GPR158: variants seen among roughly 807,000 people sequenced by gnomAD.
The protein encoded by GPR158 is metabotropic glycine receptor.
In GPR158, 30 loss-of-function variants were observed where a neutral mutation model predicts 78.2. The observed-to-expected ratio is 0.38, with a 90% CI of 0.29 to 0.52. The LOEUF is 0.52. Among genes scored for constraint, GPR158 ranks in the 20% least tolerant of loss-of-function variants. GPR158 has a pLI of 0.83. For synonymous variants in GPR158, 581 were observed against 591.1 expected (o/e 0.98, Z 0.25); for missense variants, 1,463 against 1,523.5 (o/e 0.96, Z 0.66).
At chr10:25,265,764 C>T (rs924167903) in intron 2 of GPR158, among the ~76,000 whole-genome samples, 16 of 152,118 alleles carry the variant, frequency 1.1e-4, no homozygotes, top group Admixed American at 9.2e-4. Context: ...AATATTTTGC[C>T]AGAAGAACCA....
At chr10:25,285,404 C>T (rs999858341) in intron 2 of GPR158, among the ~76,000 whole-genome samples, 1 of 152,044 alleles carries the variant, frequency 6.6e-6, no homozygotes, top group Non-Finnish European at 1.5e-5. Context: ...AGGCTGTTCT[C>T]TAAGCTGGAG....
At chr10:25,338,454 T>C (rs1243164113) in intron 2 of GPR158, among the ~76,000 whole-genome samples, 5 of 137,064 alleles carry the variant, frequency 3.6e-5, no homozygotes, top group African/African-American at 1.5e-4. Context: ...ATACGTAATA[T>C]ATATATTACG....
chr10:25,598,069 A>C lies in GPR158; in HGVS notation c.2443A>C (p.Lys815Gln), dbSNP rs777421676. Reference sequence around the variant, plus strand: ...CCTGAAAAACCGAGTCTTCTCACTCAAGAAATCCCACAGCACTTATGACCA... The same window carrying C: ...CCTGAAAAACCGAGTCTTCTCACTCCAGAAATCCCACAGCACTTATGACCA... The part of the protein sequence containing the change: ...ETLKNRVFSL[K>Q]KSHSTYDHVR... Residue 815 changes from lysine to glutamine, a missense_variant, in exon 11 of 11, where the codon AAG becomes CAG. Lys to Gln is a moderately conservative substitution (Grantham distance 53). Coordinates refer to ENST00000376351, the MANE Select transcript of GPR158 (RefSeq NM_020752.3). The C allele has an allele frequency of 6.2e-7, 1 of 1,614,060 alleles. No individual in the cohort carries two copies. Among genetic ancestry groups the C allele is most frequent in the Admixed American group, 1.7e-5 (1 of 60,028 alleles).
intron 2 of GPR158, among the ~76,000 whole-genome samples, chr10:25,287,100 T>C (rs1854361595): frequency 6.6e-6 from 1 of 152,196 alleles, no homozygotes; most frequent in South Asian, 2.1e-4. Context: ...CTTAGGGTTA[T>C]GAGTTTCTCA....
chr10:25,271,778 C>T (rs899109132), intron 2 of GPR158, among the ~76,000 whole-genome samples: 5 of 151,896 alleles, frequency 3.3e-5, no homozygotes, highest in Non-Finnish European at 7.4e-5. Context: ...TCTCCTGCCT[C>T]AGTCTCCCGT....
In GPR158 at chr10:25,304,147, GTTTT is replaced by G. The variant is rs144641949; in HGVS notation, c.1008+82996_1008+82999del. On this transcript the variant is annotated intron_variant, in intron 2 of 10. Transcript: ENST00000376351. The stretch of plus-strand genomic sequence containing the variant: ...GTTTACTTGTTTGTTTTTGTTTTTT[GTTTT>G]TTTTTCGCCCAAAAGCTACTGTGTG... 5.6e-3 allele frequency among the ~76,000 whole-genome samples: 832 copies of G among 148,064 alleles called. 10 individuals carry two copies. The highest frequency in any genetic ancestry group is 0.019 in the African/African-American group (770 of 40,452).
intron 5 of GPR158, among the ~76,000 whole-genome samples, chr10:25,517,512 C>T (rs1211033260): frequency 6.6e-6 from 1 of 152,070 alleles, no homozygotes; most frequent in African/African-American, 2.4e-5. Context: ...GTGGGTTTGT[C>T]ATAGACAGCT....
intron 5 of GPR158, among the ~76,000 whole-genome samples, chr10:25,483,268 T>C (rs1353956824): frequency 1.3e-5 from 2 of 152,084 alleles, no homozygotes; most frequent in Admixed American, 6.6e-5. Context: ...TAACACTATC[T>C]CTTCACCCTG....
At chr10:25,392,038 G>A (rs1834305815) in intron 2 of GPR158, among the ~76,000 whole-genome samples, 2 of 152,074 alleles carry the variant, frequency 1.3e-5, no homozygotes. Flanking sequence ...TGTGAGATGT[G>A]CCTTTGCTTC....
At chr10:25,502,471 T>TGAG (rs1406173577) in intron 5 of GPR158, among the ~76,000 whole-genome samples, 5 of 152,130 alleles carry the variant, frequency 3.3e-5, no homozygotes, top group African/African-American at 7.2e-5. Flanking sequence ...AACAGCAATG[T>TGAG]GAGTAAGGGG....
rs1835182406 is a variant in GPR158, at chr10:25,449,265, G to C, written c.1336-17386G>C. On this transcript the variant is annotated intron_variant, in intron 4 of 10. Transcript: ENST00000376351. ...ATAATGATGTCTCATTTTCAGTCTTGATAGCTCTTATTTTTTTCTTACATC... is the reference window on the plus strand; with the variant it reads ...ATAATGATGTCTCATTTTCAGTCTTCATAGCTCTTATTTTTTTCTTACATC... Among the ~76,000 whole-genome samples, 3 of 152,198 alleles carry C rather than the reference G, an allele frequency of 2.0e-5. No homozygotes were observed. The South Asian group carries it at 6.2e-4, about 32-fold the overall frequency.
At chr10:25,432,525 A>G (rs188314113) in intron 4 of GPR158, among the ~76,000 whole-genome samples, 2 of 152,312 alleles carry the variant, frequency 1.3e-5, no homozygotes, top group Non-Finnish European at 2.9e-5. Flanking sequence ...GCTGGGAAAA[A>G]TTATATGTTC....
intron 2 of GPR158, among the ~76,000 whole-genome samples, chr10:25,316,931 GTGTATA>G: frequency 1.0e-5 from 1 of 95,742 alleles, no homozygotes; most frequent in East Asian, 2.1e-4. Context: ...GTGTATGTGT[GTGTATA>G]TATATATATA....
At chr10:25,212,811 T>C (rs1474873789) in intron 1 of GPR158, among the ~76,000 whole-genome samples, 1 of 152,008 alleles carries the variant, frequency 6.6e-6, no homozygotes, top group East Asian at 1.9e-4. Context: ...TTTGTATTTT[T>C]ATTAAAGACG....
intron 2 of GPR158, among the ~76,000 whole-genome samples, chr10:25,324,193 T>A (rs7098381): frequency 7.6e-4 from 116 of 152,378 alleles, no homozygotes; most frequent in African/African-American, 2.7e-3. Context: ...GCTAACTGTT[T>A]CGCACGAGAG....
At chr10:25,572,353 C>G (rs1837019951) in intron 6 of GPR158, among the ~76,000 whole-genome samples, 1 of 152,102 alleles carries the variant, frequency 6.6e-6, no homozygotes. Context: ...ATAAGCCAGG[C>G]ACAGTGGCAC....
At chr10:25,384,011 G>C (rs1347215383) in intron 2 of GPR158, among the ~76,000 whole-genome samples, 1 of 152,140 alleles carries the variant, frequency 6.6e-6, no homozygotes, top group African/African-American at 2.4e-5. Context: ...ATAGAATTGA[G>C]TTAATACTTG....
intron 4 of GPR158, among the ~76,000 whole-genome samples, chr10:25,413,753 T>A (rs1834624305): frequency 6.6e-6 from 1 of 152,354 alleles, no homozygotes; most frequent in South Asian, 2.1e-4. Flanking sequence ...GTATTCATTA[T>A]GTTAATGTTA....
intron 2 of GPR158, among the ~76,000 whole-genome samples, chr10:25,365,555 T>C (rs1237710367): frequency 6.6e-6 from 1 of 151,718 alleles, no homozygotes; most frequent in African/African-American, 2.4e-5. Context: ...TAATCACTTT[T>C]AATATCCAGA....
Sources: allele counts gnomAD v4.1 joint callset (sites outside exome capture counted in the v4.1 genomes callset), GRCh38; gene constraint gnomAD v4.1.1; transcripts MANE v1.5; gene names NCBI Gene and HGNC (gene_info 2026-07-23, HGNC 2026-07-21).